Variants in FHOD3 observed in about 807,000 individuals in gnomAD.
FHOD3 encodes FH1/FH2 domain-containing protein 3.
A neutral mutation model predicts 173.0 loss-of-function variants in FHOD3; 90 were observed. The observed-to-expected ratio is 0.52, with a 90% CI of 0.44 to 0.62. The LOEUF is 0.62. Ranked by LOEUF, FHOD3 falls within the 20% of genes least tolerant of loss-of-function variation. The pLI, the probability that FHOD3 is intolerant of heterozygous loss-of-function variation, is 0.00. For synonymous variants in FHOD3, 828 were observed against 823.0 expected (o/e 1.01, Z -0.10); for missense variants, 1,945 against 2,034.7 (o/e 0.96, Z 0.85).
chr18:36,529,312 C>T (rs993918890), intron 5 of FHOD3, among the ~76,000 whole-genome samples: 1 of 152,118 alleles, frequency 6.6e-6, no homozygotes, highest in Non-Finnish European at 1.5e-5. Context: ...TTAGCTGCTG[C>T]TCGTGTTATA....
At chr18:36,356,502 T>C (rs764354952) in intron 2 of FHOD3, among the ~76,000 whole-genome samples, 20 of 152,184 alleles carry the variant, frequency 1.3e-4, no homozygotes, top group Admixed American at 2.6e-4. Context: ...TTTTATTTAT[T>C]TATTTATTTT....
chr18:36,491,691 T>G (rs1292475385), intron 3 of FHOD3, among the ~76,000 whole-genome samples: 1 of 152,196 alleles, frequency 6.6e-6, no homozygotes, highest in African/African-American at 2.4e-5. Flanking sequence ...TTTTTCAGAC[T>G]GGCTTCTTTC....
chr18:36,535,737 A>G lies in FHOD3; in HGVS notation c.511+23194A>G, dbSNP rs147616271. Among the ~76,000 whole-genome samples, 972 of 152,332 alleles carry G rather than the reference A, an allele frequency of 6.4e-3. 10 individuals are homozygous for G. Among genetic ancestry groups the G allele is most frequent in the African/African-American group, 0.022 (922 of 41,594 alleles). ...TATTTTATGTGATTGTTGTAACAGTATTTAATACTACTAAATATTTGTATT... is the reference window on the plus strand; with the variant it reads ...TATTTTATGTGATTGTTGTAACAGTGTTTAATACTACTAAATATTTGTATT... On this transcript the variant is annotated intron_variant, in intron 5 of 28. Transcript: ENST00000590592.
chr18:36,413,594 C>T (rs2049469774), intron 3 of FHOD3, among the ~76,000 whole-genome samples: 1 of 152,206 alleles, frequency 6.6e-6, no homozygotes, highest in South Asian at 2.1e-4. Context: ...ATTTATCAAG[C>T]ACAGCTGCAC....
intron 1 of FHOD3, among the ~76,000 whole-genome samples, chr18:36,339,764 C>G (rs2045517307): frequency 6.6e-6 from 1 of 152,128 alleles, no homozygotes; most frequent in African/African-American, 2.4e-5. Context: ...AGTGAGTATC[C>G]CCGTGCCTGA....
intron 3 of FHOD3, among the ~76,000 whole-genome samples, chr18:36,454,161 A>G (rs1328736093): frequency 2.0e-5 from 3 of 152,098 alleles, no homozygotes; most frequent in Non-Finnish European, 4.4e-5. Context: ...GGGACATTCC[A>G]GGTCCTGAGG....
intron 3 of FHOD3, among the ~76,000 whole-genome samples, chr18:36,380,440 C>A (rs1277083304): frequency 2.1e-5 from 3 of 145,722 alleles, no homozygotes; most frequent in Non-Finnish European, 4.5e-5. Flanking sequence ...TCCCTTCCTC[C>A]CTCCCTCCCT....
At chr18:36,760,862 C>A in intron 27 of FHOD3, 80 bp downstream of exon 27, 1 of 1,411,660 alleles carries the variant, frequency 7.1e-7, no homozygotes, top group Non-Finnish European at 9.4e-7. Flanking sequence ...TCGCAGGCTG[C>A]GGTCCACGGC....
At chr18:36,681,316 C>T in intron 14 of FHOD3, 120 bp from the exon 15 acceptor site, 2 of 1,206,272 alleles carry the variant, frequency 1.7e-6, no homozygotes, top group South Asian at 1.7e-5. Flanking sequence ...CAGTGATTTT[C>T]CCCAAGCATT....
intron 6 of FHOD3, among the ~76,000 whole-genome samples, chr18:36,590,671 C>T (rs192118289): frequency 6.6e-6 from 1 of 152,046 alleles, no homozygotes; most frequent in Non-Finnish European, 1.5e-5. Context: ...AATTATGCAT[C>T]AGAAGATGTT....
At chr18:36,559,679 C>A (rs1258967816) in intron 5 of FHOD3, among the ~76,000 whole-genome samples, 1 of 152,100 alleles carries the variant, frequency 6.6e-6, no homozygotes, top group Non-Finnish European at 1.5e-5. Flanking sequence ...ATTATCATAT[C>A]CTGACCTGAG....
At position 36,693,317 on chromosome 18, in the gene FHOD3, A is replaced by T; in HGVS notation, c.2130A>T (p.Ala710=). The T allele has an allele frequency of 6.2e-7, 1 of 1,613,894 alleles. No homozygotes were observed. The highest frequency in any genetic ancestry group is 8.5e-7 in the Non-Finnish European group (1 of 1,179,822). ...ADLSLDLTSP[A]APACLAPLSH... The stretch of plus-strand genomic sequence containing the variant: ...TCTCCTTGGACCTGACCTCGCCAGC[A>T]GCCCCAGCCTGCCTGGCTCCTCTGA... Residue 710 remains alanine, a synonymous_variant, in exon 17 of 29, where the codon GCA becomes GCT. Coordinates refer to ENST00000590592, the MANE Select transcript of FHOD3 (RefSeq NM_001281740.3).
chr18:36,647,165 C>T lies in FHOD3; in HGVS notation c.1197-2151C>T, dbSNP rs181472184. Among the ~76,000 whole-genome samples the T allele has an allele frequency of 3.5e-3, 534 of 152,240 alleles. 5 individuals carry two copies. The highest frequency in any genetic ancestry group is 0.018 in the Admixed American group (270 of 15,294). ...GCTGAGGCAGGAGAATCGCTTGACC[C>T]GGGAGGCAGAGGTTGCAGTGAGCCA... On this transcript the variant is annotated intron_variant, in intron 10 of 28. Transcript: ENST00000590592.
chr18:36,428,947 C>G (rs2050392935), intron 3 of FHOD3, among the ~76,000 whole-genome samples: 2 of 152,132 alleles, frequency 1.3e-5, no homozygotes, highest in South Asian at 4.1e-4. Context: ...CGCCAAGCTT[C>G]TGGAGTGAAA....
chr18:36,695,896 C>G (rs897384236), intron 17 of FHOD3, among the ~76,000 whole-genome samples: 6 of 152,184 alleles, frequency 3.9e-5, no homozygotes, highest in African/African-American at 1.4e-4. Context: ...TTGCTTATCC[C>G]TAGCATTTCC....
chr18:36,482,396 T>C (rs554656774), intron 3 of FHOD3, among the ~76,000 whole-genome samples: 1 of 152,288 alleles, frequency 6.6e-6, no homozygotes, highest in East Asian at 1.9e-4. Context: ...CAGAAGGATC[T>C]GGAGGATCAG....
intron 3 of FHOD3, among the ~76,000 whole-genome samples, chr18:36,480,337 G>A (rs1002103864): frequency 2.6e-5 from 4 of 152,160 alleles, no homozygotes; most frequent in African/African-American, 9.7e-5. Context: ...AATCTGTACA[G>A]AAATATTTGC....
intron 5 of FHOD3, among the ~76,000 whole-genome samples, chr18:36,533,184 A>G (rs965667757): frequency 6.6e-5 from 10 of 152,244 alleles, no homozygotes; most frequent in South Asian, 2.1e-4. Flanking sequence ...TTGGAACTCA[A>G]AATTCTCAGA....
At chr18:36,517,618 C>T (rs1402537949) in intron 5 of FHOD3, among the ~76,000 whole-genome samples, 2 of 152,182 alleles carry the variant, frequency 1.3e-5, no homozygotes, top group Non-Finnish European at 2.9e-5. Context: ...GTCATTTCAT[C>T]TAAACCAAAA....
Sources: allele counts gnomAD v4.1 joint callset (sites outside exome capture counted in the v4.1 genomes callset), GRCh38; gene constraint gnomAD v4.1.1; transcripts MANE v1.5; gene names NCBI Gene and HGNC (gene_info 2026-07-23, HGNC 2026-07-21).